Variants in EHD4 observed in about 807,000 individuals in gnomAD.
EHD4 encodes EH domain containing 4, also known as EH domain-containing protein 4.
Under a neutral mutation model 51.0 loss-of-function variants are expected in EHD4, and 37 were observed. The observed-to-expected ratio is 0.73, with a 90% CI of 0.56 to 0.95. EHD4 has a LOEUF of 0.95. Among genes scored for constraint, EHD4 ranks in the 40% least tolerant of loss-of-function variants. The pLI is 0.00. For synonymous variants in EHD4, 297 were observed against 317.3 expected (o/e 0.94, Z 0.68); for missense variants, 632 against 733.1 (o/e 0.86, Z 1.59).
chr15:41,906,733 C>T (rs1595529811), intron 5 of EHD4, among the ~76,000 whole-genome samples: 1 of 152,256 alleles, frequency 6.6e-6, no homozygotes, highest in Admixed American at 6.5e-5. Flanking sequence ...GGGTTGCGGG[C>T]ATCCCTGCCT....
chr15:41,964,984 C>A (rs1323966372), intron 1 of EHD4, among the ~76,000 whole-genome samples: 1 of 152,008 alleles, frequency 6.6e-6, no homozygotes, highest in Non-Finnish European at 1.5e-5. Flanking sequence ...GTTGCCCAGG[C>A]TGATCTTGAA....
chr15:41,955,960 G>T (rs1209238450), intron 1 of EHD4, among the ~76,000 whole-genome samples: 1 of 152,228 alleles, frequency 6.6e-6, no homozygotes, highest in Admixed American at 6.5e-5. Flanking sequence ...GGCCTGGATG[G>T]GGCTATGTCT....
chr15:41,913,384 A>AAGG (rs2067562422), intron 4 of EHD4, among the ~76,000 whole-genome samples: 1 of 152,162 alleles, frequency 6.6e-6, no homozygotes, highest in African/African-American at 2.4e-5. Flanking sequence ...TAATGAGAGA[A>AAGG]AACTAATTGG....
At chr15:41,933,858 A>G (rs1044382978) in intron 3 of EHD4, among the ~76,000 whole-genome samples, 1 of 152,130 alleles carries the variant, frequency 6.6e-6, no homozygotes, top group Non-Finnish European at 1.5e-5. Context: ...TGCTCCTGCA[A>G]GCAGTGAGAC....
At chr15:41,969,358 C>T (rs928633167) in intron 1 of EHD4, among the ~76,000 whole-genome samples, 3 of 152,108 alleles carry the variant, frequency 2.0e-5, no homozygotes, top group Admixed American at 6.5e-5. Context: ...ACCAGCCTGA[C>T]CAACATGGAA....
chr15:41,966,187 T>C (rs889455319), intron 1 of EHD4, among the ~76,000 whole-genome samples: 1 of 151,988 alleles, frequency 6.6e-6, no homozygotes, highest in Non-Finnish European at 1.5e-5. Context: ...TGCTGAGAAT[T>C]TGACGCCTCA....
intron 4 of EHD4, among the ~76,000 whole-genome samples, chr15:41,912,048 G>A (rs1233848503): frequency 1.3e-5 from 2 of 152,144 alleles, no homozygotes; most frequent in African/African-American, 4.8e-5. Flanking sequence ...TTCACCCACT[G>A]AGTGTCACCT....
chr15:41,914,439 GTGAGA>G (rs1484479751), intron 4 of EHD4, among the ~76,000 whole-genome samples: 1 of 151,920 alleles, frequency 6.6e-6, no homozygotes, highest in Non-Finnish European at 1.5e-5. Flanking sequence ...GTGTGAGACT[GTGAGA>G]GGCAGAGAAG....
intron 3 of EHD4, among the ~76,000 whole-genome samples, chr15:41,925,545 C>T (rs980489240): frequency 3.3e-5 from 5 of 152,190 alleles, no homozygotes; most frequent in African/African-American, 7.2e-5. Context: ...AATCATCCCA[C>T]GGTGCTCAGT....
intron 3 of EHD4, among the ~76,000 whole-genome samples, chr15:41,929,530 T>C (rs1011351565): frequency 6.6e-6 from 1 of 152,202 alleles, no homozygotes; most frequent in African/African-American, 2.4e-5. Flanking sequence ...CATCTCAGAT[T>C]AAATACCAGA....
At chr15:41,942,162 T>G (rs931921144) in intron 3 of EHD4, 3 of 151,962 alleles carry the variant, frequency 2.0e-5, no homozygotes, top group African/African-American at 4.8e-5. Flanking sequence ...GCATTTCCTC[T>G]CCGTAAGTCA....
At chr15:41,967,793 GC>G (rs1207212956) in intron 1 of EHD4, among the ~76,000 whole-genome samples, 2 of 152,166 alleles carry the variant, frequency 1.3e-5, no homozygotes, top group Non-Finnish European at 2.9e-5. Context: ...GAGAACATCT[GC>G]CTGCTTCCAG....
chr15:41,941,309 T>C (rs927351832), intron 3 of EHD4, among the ~76,000 whole-genome samples: 1 of 152,216 alleles, frequency 6.6e-6, no homozygotes, highest in Non-Finnish European at 1.5e-5. Flanking sequence ...TATACTGGCA[T>C]GGAATGATGT....
At chr15:41,960,623 T>C (rs769018428) in intron 1 of EHD4, among the ~76,000 whole-genome samples, 24 of 151,932 alleles carry the variant, frequency 1.6e-4, no homozygotes, top group Non-Finnish European at 3.5e-4. Flanking sequence ...CTTAAAAAAG[T>C]CTCCTTTGAA....
chr15:41,925,053 G>C (rs7164609), intron 3 of EHD4, among the ~76,000 whole-genome samples: 136,336 of 148,436 alleles, frequency 0.92, 63,575 homozygotes, highest in East Asian at 1. Context: ...GCGAGGGACT[G>C]TATCTCAAAA....
At chr15:41,931,603 C>T (rs2067698836) in intron 3 of EHD4, among the ~76,000 whole-genome samples, 1 of 151,838 alleles carries the variant, frequency 6.6e-6, no homozygotes, top group South Asian at 2.1e-4. Flanking sequence ...GCTAAATTGA[C>T]AGTGCAATTA....
chr15:41,959,141 C>T (rs1942243046), intron 1 of EHD4, among the ~76,000 whole-genome samples: 1 of 151,962 alleles, frequency 6.6e-6, no homozygotes, highest in Non-Finnish European at 1.5e-5. Context: ...GCCTGTAATC[C>T]CAGCACTTTG....
chr15:41,970,978 T>C (rs1322430313), intron 1 of EHD4, among the ~76,000 whole-genome samples: 1 of 152,254 alleles, frequency 6.6e-6, no homozygotes, highest in Non-Finnish European at 1.5e-5. Context: ...CATATTTAAT[T>C]CTATTTTTGT....
At chr15:41,926,449 C>G (rs2067662044) in intron 3 of EHD4, among the ~76,000 whole-genome samples, 1 of 152,200 alleles carries the variant, frequency 6.6e-6, no homozygotes, top group Non-Finnish European at 1.5e-5. Context: ...CCAGCACTTT[C>G]TGTGTGGCTC....
Sources: gnomAD v4.1 joint callset for allele counts (sites outside exome capture counted in the v4.1 genomes callset) on GRCh38, gnomAD v4.1.1 for gene constraint, MANE v1.5 for transcripts, NCBI Gene and HGNC (gene_info 2026-07-23, HGNC 2026-07-21) for gene names.